Variants in SORCS2 observed in about 807,000 individuals in gnomAD.
SORCS2 encodes sortilin related VPS10 domain containing receptor 2.
SORCS2 carries 100 observed loss-of-function variants against 141.6 expected under a neutral mutation model. The ratio of observed to expected loss-of-function variants is 0.71; its 90% CI spans 0.60 to 0.83. The LOEUF (loss-of-function observed/expected upper bound fraction) is 0.83, where lower values mean the gene tolerates loss of function less well. Ranked by LOEUF, SORCS2 falls within the 40% of genes least tolerant of loss-of-function variation. The pLI, the probability that SORCS2 is intolerant of heterozygous loss-of-function variation, is 0.00. For synonymous variants in SORCS2, 789 were observed against 676.9 expected (o/e 1.17, Z -2.57); for missense variants, 1,646 against 1,560.2 (o/e 1.05, Z -0.93).
rs764096551 is a variant in SORCS2, at chr4:7,434,006, C to T, written c.548+37651C>T. ...ACGTTCATGCACACCTCACAGGTCACACCGGCCTTCATCTGCATCTCGCTC... is the reference window on the plus strand; with the variant it reads ...ACGTTCATGCACACCTCACAGGTCATACCGGCCTTCATCTGCATCTCGCTC... On this transcript the variant is annotated intron_variant, in intron 2 of 26. Transcript: ENST00000507866. The T allele has an allele frequency of 2.5e-6, 4 of 1,612,868 alleles. No homozygotes were observed. The Admixed American group carries it at 5.0e-5, about 20-fold the overall frequency.
At chr4:7,393,309 TCC>T (rs1220982834) in intron 1 of SORCS2, among the ~76,000 whole-genome samples, 1 of 152,014 alleles carries the variant, frequency 6.6e-6, no homozygotes, top group Non-Finnish European at 1.5e-5. Context: ...CCGATTTTTC[TCC>T]CACCCAGATC....
At chr4:7,638,285 A>G (rs771322830) in intron 3 of SORCS2, 43 bp from the exon 4 acceptor site, 2 of 1,486,724 alleles carry the variant, frequency 1.3e-6, no homozygotes, top group Non-Finnish European at 1.8e-6. Context: ...GTCGGGGGAG[A>G]GGGGCACCTG....
chr4:7,446,330 C>A (rs1645168342), intron 2 of SORCS2, among the ~76,000 whole-genome samples: 1 of 152,240 alleles, frequency 6.6e-6, no homozygotes, highest in Admixed American at 6.5e-5. Context: ...TTCAGCACCG[C>A]CCCTGCCATG....
intron 3 of SORCS2, among the ~76,000 whole-genome samples, chr4:7,545,002 G>A (rs1362919847): frequency 3.3e-5 from 5 of 152,210 alleles, no homozygotes; most frequent in Admixed American, 3.3e-4. Context: ...CCCTGTGCAG[G>A]AGAAAAATGG....
intron 5 of SORCS2, among the ~76,000 whole-genome samples, chr4:7,658,565 G>A (rs1185118133): frequency 6.6e-6 from 1 of 152,208 alleles, no homozygotes; most frequent in African/African-American, 2.4e-5. Context: ...CCTTGAAAGG[G>A]AGAGCTCTTT....
chr4:7,655,762 T>G (rs1287587534), intron 5 of SORCS2, among the ~76,000 whole-genome samples: 2 of 151,896 alleles, frequency 1.3e-5, no homozygotes, highest in Non-Finnish European at 2.9e-5. Flanking sequence ...CTCGCAGAGG[T>G]GGGGAGCAGA....
At chr4:7,351,778 A>G (rs886285748) in intron 1 of SORCS2, among the ~76,000 whole-genome samples, 2 of 151,344 alleles carry the variant, frequency 1.3e-5, no homozygotes, top group Admixed American at 6.6e-5. Flanking sequence ...CCACCCACCC[A>G]TTTATCATCC....
At chr4:7,403,961 G>GTATATATA (rs71635960) in intron 2 of SORCS2, among the ~76,000 whole-genome samples, 46 of 29,826 alleles carry the variant, frequency 1.5e-3, no homozygotes, top group East Asian at 4.4e-3. Flanking sequence ...CTCCATGTGT[G>GTATATATA]TATATATATA....
intron 1 of SORCS2, among the ~76,000 whole-genome samples, chr4:7,374,175 CTTTCTTTCTTTCTTTCTTTCT>C (rs1722476967): frequency 8.1e-6 from 1 of 122,982 alleles, no homozygotes; most frequent in Admixed American, 8.3e-5. Flanking sequence ...TTCTTTCTTT[CTTTCTTTCTTTCTTTCTTTCT>C]TTTTTGCAGA....
chr4:7,570,292 G>A (rs1017748576), intron 3 of SORCS2, among the ~76,000 whole-genome samples: 3 of 152,220 alleles, frequency 2.0e-5, no homozygotes, highest in Non-Finnish European at 4.4e-5. Flanking sequence ...CTGAGCCTGT[G>A]TCCCACTTTG....
intron 11 of SORCS2, 148 bp downstream of exon 11, chr4:7,689,736 C>G (rs1476563421): frequency 6.9e-6 from 5 of 722,794 alleles, no homozygotes; most frequent in Admixed American, 3.3e-5. Flanking sequence ...GGAAGCTCAG[C>G]TCTCATGGCA....
intron 1 of SORCS2, among the ~76,000 whole-genome samples, chr4:7,354,935 T>G (rs1460796419): frequency 1.3e-5 from 2 of 152,220 alleles, no homozygotes; most frequent in Non-Finnish European, 2.9e-5. Flanking sequence ...GAATATTAGG[T>G]GGCTTTTATC....
intron 2 of SORCS2, among the ~76,000 whole-genome samples, chr4:7,471,177 C>T (rs62277632): frequency 0.036 from 5,551 of 152,294 alleles, 118 homozygotes; most frequent in Non-Finnish European, 0.053. Flanking sequence ...TGCACCCGCC[C>T]GCTATCGGGG....
At chr4:7,581,071 A>C (rs567327052) in intron 3 of SORCS2, among the ~76,000 whole-genome samples, 7 of 152,182 alleles carry the variant, frequency 4.6e-5, no homozygotes, top group Admixed American at 1.3e-4. Context: ...GGTTTGCCCA[A>C]GATTATGAAG....
rs1296646039 is a variant in SORCS2, at chr4:7,226,484, G to A, written c.480+33358G>A. On this transcript the variant is annotated intron_variant, in intron 1 of 26. Coordinates refer to ENST00000507866, the MANE Select transcript of SORCS2 (RefSeq NM_020777.3). ...AGGGTTAAGTCCAGACGTCTGTGACGGCCGGGTGAGTGGGGGTTGGGGGGA... is the reference window on the plus strand; with the variant it reads ...AGGGTTAAGTCCAGACGTCTGTGACAGCCGGGTGAGTGGGGGTTGGGGGGA... 3.3e-5 allele frequency among the ~76,000 whole-genome samples: 5 copies of A among 152,140 alleles called. No homozygotes were observed. In the East Asian group the frequency reaches 7.7e-4, roughly 23 times the overall value.
At chr4:7,478,267 G>T (rs111800634) in intron 2 of SORCS2, among the ~76,000 whole-genome samples, 1,715 of 152,250 alleles carry the variant, frequency 0.011, 26 homozygotes, top group African/African-American at 0.039. Flanking sequence ...TGCGAAGGAG[G>T]CTCGCTTCCT....
intron 3 of SORCS2, among the ~76,000 whole-genome samples, chr4:7,636,625 C>T (rs942785268): frequency 6.6e-6 from 1 of 152,106 alleles, no homozygotes; most frequent in African/African-American, 2.4e-5. Context: ...TCTGACCAAG[C>T]CACCAAACCC....
At position 7,728,350 on chromosome 4, in the gene SORCS2, A is replaced by G. The variant is rs1335266943; in HGVS notation, c.2870A>G (p.Asp957Gly). 1.2e-6 allele frequency: 2 copies of G among 1,611,514 alleles called. No individual in the cohort carries two copies. Among genetic ancestry groups the G allele is most frequent in the South Asian group, 2.2e-5 (2 of 90,774 alleles). The change falls in exon 22 of 27, where the codon GAT (aspartate) becomes GGT (glycine). Residue 957 changes from aspartate to glycine, a missense_variant and splice_region_variant. Physicochemically the swap from Asp to Gly is moderately conservative, Grantham distance 94 (BLOSUM62 -1). Transcript: ENST00000507866. ...LQDSRVLRVL[D>G]QFQVMPLQFS... is the part of the protein sequence containing the mutation. ...GTCTCCCTTCTCTGCGTCTTTCCAG[A>G]TCAATTTCAAGTCATGCCTCTGCAG... is the stretch of plus-strand genomic sequence containing the variant.
intron 1 of SORCS2, among the ~76,000 whole-genome samples, chr4:7,276,063 T>C (rs1715479388): frequency 6.6e-6 from 1 of 152,208 alleles, no homozygotes; most frequent in South Asian, 2.1e-4. Flanking sequence ...TTCTGCCAGT[T>C]ACTGGAAGGT....
Sources: allele counts gnomAD v4.1 joint callset (sites outside exome capture counted in the v4.1 genomes callset), GRCh38; gene constraint gnomAD v4.1.1; transcripts MANE v1.5; gene names NCBI Gene and HGNC (gene_info 2026-07-23, HGNC 2026-07-21).